The following NPAS3 variants were observed in gnomAD, a reference collection of about 807,000 sequenced individuals.
The protein encoded by NPAS3 is neuronal PAS domain-containing protein 3.
Under a neutral mutation model 73.1 loss-of-function variants are expected in NPAS3, and 14 were observed. The ratio of observed to expected loss-of-function variants is 0.19; its 90% CI spans 0.13 to 0.30. NPAS3 has a LOEUF of 0.30. NPAS3 is among the 10% of genes least tolerant of loss of function. The probability of loss-of-function intolerance (pLI) is 1.00; values close to 1 mark genes in which losing one functional copy is unlikely to be tolerated. For synonymous variants in NPAS3, 620 were observed against 541.5 expected (o/e 1.14, Z -2.01); for missense variants, 1,096 against 1,250.0 (o/e 0.88, Z 1.86).
At chr14:33,496,859 G>T (rs1272061279) in intron 4 of NPAS3, among the ~76,000 whole-genome samples, 1 of 152,100 alleles carries the variant, frequency 6.6e-6, no homozygotes, top group Non-Finnish European at 1.5e-5. Flanking sequence ...GGGCAGTCAG[G>T]CAAGAGAAAG....
At chr14:33,792,242 G>A (rs1039924577) in intron 9 of NPAS3, among the ~76,000 whole-genome samples, 8 of 152,140 alleles carry the variant, frequency 5.3e-5, no homozygotes, top group Admixed American at 1.3e-4. Context: ...ACGCCACCAA[G>A]AGAAGGTGAC....
chr14:33,778,961 G>GGT, intron 9 of NPAS3, among the ~76,000 whole-genome samples: 1 of 152,194 alleles, frequency 6.6e-6, no homozygotes, highest in Non-Finnish European at 1.5e-5. Context: ...GTTCAAATAA[G>GGT]CCAGAGCCTT....
At chr14:33,683,426 T>TAAAAAA (rs1566419917) in intron 6 of NPAS3, among the ~76,000 whole-genome samples, 7 of 31,980 alleles carry the variant, frequency 2.2e-4, no homozygotes, top group East Asian at 4.1e-3. Flanking sequence ...TTTCCTCATT[T>TAAAAAA]CAAAAAAAAA....
intron 2 of NPAS3, among the ~76,000 whole-genome samples, chr14:33,128,138 A>C (rs1454546748): frequency 6.6e-6 from 1 of 152,212 alleles, no homozygotes; most frequent in African/African-American, 2.4e-5. Flanking sequence ...AGCTGTAAAA[A>C]TTAGTGAACC....
intron 5 of NPAS3, among the ~76,000 whole-genome samples, chr14:33,563,912 G>A (rs1169417466): frequency 1.3e-5 from 2 of 152,170 alleles, no homozygotes; most frequent in East Asian, 1.9e-4. Context: ...CTTCCAAAAT[G>A]TAAGGGGCTT....
At chr14:32,971,088 CTTT>C (rs61429455) in intron 1 of NPAS3, among the ~76,000 whole-genome samples, 2 of 142,160 alleles carry the variant, frequency 1.4e-5, no homozygotes, top group Admixed American at 7.1e-5. Flanking sequence ...TTTCTTTTTT[CTTT>C]TTTTTTTTTT....
At chr14:33,405,700 G>A (rs1457089247) in intron 4 of NPAS3, among the ~76,000 whole-genome samples, 1 of 152,042 alleles carries the variant, frequency 6.6e-6, no homozygotes, top group African/African-American at 2.4e-5. Context: ...AGTATCTATA[G>A]GAACATAAAA....
chr14:33,674,058 G>A (rs946496830), intron 5 of NPAS3, among the ~76,000 whole-genome samples: 4 of 152,138 alleles, frequency 2.6e-5, no homozygotes, highest in African/African-American at 9.7e-5. Context: ...GTGCCCTAGT[G>A]CTCTGTGGCA....
chr14:33,343,825 C>T (rs2044604669), intron 3 of NPAS3, among the ~76,000 whole-genome samples: 1 of 152,180 alleles, frequency 6.6e-6, no homozygotes, highest in Non-Finnish European at 1.5e-5. Context: ...CTAGGCAGTG[C>T]AGCAGCTCAG....
chr14:33,443,252 T>C (rs2139298741), intron 4 of NPAS3, among the ~76,000 whole-genome samples: 1 of 152,134 alleles, frequency 6.6e-6, no homozygotes, highest in Admixed American at 6.5e-5. Context: ...AAAATTTGAC[T>C]ATATATCTAG....
At chr14:33,122,235 A>G (rs2043257341) in intron 2 of NPAS3, among the ~76,000 whole-genome samples, 1 of 152,130 alleles carries the variant, frequency 6.6e-6, no homozygotes, top group Admixed American at 6.5e-5. Context: ...CTACTGCTGT[A>G]GGTTGAATGA....
chr14:33,451,632 A>G (rs1204326830), intron 4 of NPAS3, among the ~76,000 whole-genome samples: 5 of 152,188 alleles, frequency 3.3e-5, no homozygotes, highest in African/African-American at 2.4e-5. Context: ...TGCTATGACA[A>G]TACGGTTCAT....
intron 3 of NPAS3, among the ~76,000 whole-genome samples, chr14:33,227,650 G>T (rs1230318966): frequency 3.3e-5 from 5 of 152,128 alleles, no homozygotes; most frequent in African/African-American, 7.2e-5. Flanking sequence ...ATTCATGAGG[G>T]TTCCGCCCTC....
chr14:33,749,871 T>C (rs17101834), intron 7 of NPAS3, among the ~76,000 whole-genome samples: 11,307 of 152,198 alleles, frequency 0.074, 1,098 homozygotes, highest in African/African-American at 0.22. Context: ...AGAGAGGCCA[T>C]TGTCCAATCT....
intron 3 of NPAS3, among the ~76,000 whole-genome samples, chr14:33,298,789 A>G (rs1166225390): frequency 6.6e-6 from 1 of 152,220 alleles, no homozygotes; most frequent in East Asian, 1.9e-4. Flanking sequence ...GGCAATAAAT[A>G]TTATTATAAT....
chr14:33,508,842 G>C (rs2052898796), intron 4 of NPAS3, among the ~76,000 whole-genome samples: 1 of 152,014 alleles, frequency 6.6e-6, no homozygotes, highest in South Asian at 2.1e-4. Context: ...AGTAGAATGA[G>C]CGTGGGAATG....
At chr14:33,261,209 T>C (rs1185602009) in intron 3 of NPAS3, among the ~76,000 whole-genome samples, 1 of 152,128 alleles carries the variant, frequency 6.6e-6, no homozygotes, top group Non-Finnish European at 1.5e-5. Flanking sequence ...TGTTCCTGAG[T>C]TGGTCATATT....
chr14:32,998,809 G>T (rs1358127229), intron 1 of NPAS3, among the ~76,000 whole-genome samples: 4 of 152,158 alleles, frequency 2.6e-5, no homozygotes, highest in Non-Finnish European at 5.9e-5. Flanking sequence ...GAACAGTAGT[G>T]CTGGCTCCTC....
At chr14:33,201,342 C>G (rs535285952) in intron 2 of NPAS3, among the ~76,000 whole-genome samples, 1 of 125,602 alleles carries the variant, frequency 8.0e-6, no homozygotes, top group South Asian at 3.2e-4. Flanking sequence ...CTCAGTTCTA[C>G]AACCATGGGA....
Sources: gnomAD v4.1 joint callset for allele counts (sites outside exome capture counted in the v4.1 genomes callset) on GRCh38, gnomAD v4.1.1 for gene constraint, MANE v1.5 for transcripts, NCBI Gene and HGNC (gene_info 2026-07-23, HGNC 2026-07-21) for gene names.